The following RBM26 variants were observed in gnomAD, a reference collection of about 807,000 sequenced individuals.
RBM26 encodes RNA-binding protein 26.
Under a neutral mutation model 123.6 loss-of-function variants are expected in RBM26, and 30 were observed. The ratio of observed to expected loss-of-function variants is 0.24; its 90% CI spans 0.18 to 0.33. The LOEUF (loss-of-function observed/expected upper bound fraction) is 0.33, where lower values mean the gene tolerates loss of function less well. Among genes scored for constraint, RBM26 ranks in the 10% least tolerant of loss-of-function variants. The probability of loss-of-function intolerance (pLI) is 1.00; values close to 1 mark genes in which losing one functional copy is unlikely to be tolerated. For synonymous variants in RBM26, 400 were observed against 404.4 expected, an observed-to-expected ratio of 0.99 and a Z score of 0.13; for missense variants, 947 against 1,203.6, an observed-to-expected ratio of 0.79 and a Z score of 3.15.
intron 20 of RBM26, among the ~76,000 whole-genome samples, chr13:79,331,814 G>A (rs373478433): frequency 3.3e-5 from 5 of 152,102 alleles, no homozygotes; most frequent in African/African-American, 1.2e-4. Context: ...TGGAAGAGAC[G>A]ACTGCTTTAC....
intron 14 of RBM26, among the ~76,000 whole-genome samples, chr13:79,350,217 A>C (rs1474997098): frequency 6.6e-6 from 1 of 152,184 alleles, no homozygotes; most frequent in Non-Finnish European, 1.5e-5. Flanking sequence ...GCAGAGACCA[A>C]GATATATTTT....
chr13:79,380,552 T>C (rs1384277915), intron 1 of RBM26, among the ~76,000 whole-genome samples: 1 of 152,082 alleles, frequency 6.6e-6, no homozygotes, highest in Non-Finnish European at 1.5e-5. Flanking sequence ...ATGTGATATT[T>C]TGATACCTGT....
intron 20 of RBM26, among the ~76,000 whole-genome samples, chr13:79,333,473 GATAA>G (rs377482762): frequency 3.3e-5 from 5 of 152,296 alleles, no homozygotes; most frequent in African/African-American, 1.2e-4. Context: ...CTACAAAGAG[GATAA>G]ATAAATGTAG....
At chr13:79,369,070 T>A in intron 5 of RBM26, 80 bp from the exon 6 acceptor site, 1 of 922,242 alleles carries the variant, frequency 1.1e-6, no homozygotes, top group Non-Finnish European at 1.5e-6. Flanking sequence ...ATAGTGATAT[T>A]TTTATAAACA....
chr13:79,330,750 T>A (rs1490132472), intron 20 of RBM26, among the ~76,000 whole-genome samples: 5 of 152,174 alleles, frequency 3.3e-5, no homozygotes, highest in Non-Finnish European at 5.9e-5. Context: ...CACACATTTT[T>A]AAAAACATGC....
At chr13:79,328,964 C>T (rs2068870548) in intron 20 of RBM26, among the ~76,000 whole-genome samples, 1 of 151,708 alleles carries the variant, frequency 6.6e-6, no homozygotes, top group East Asian at 1.9e-4. Flanking sequence ...AGTAAAACCA[C>T]TATGTAGCGT....
intron 11 of RBM26, among the ~76,000 whole-genome samples, chr13:79,357,058 T>C (rs983931679): frequency 6.6e-6 from 1 of 152,120 alleles, no homozygotes; most frequent in South Asian, 2.1e-4. Context: ...TAAGTTTGTG[T>C]ACAGATAAAT....
intron 5 of RBM26, among the ~76,000 whole-genome samples, chr13:79,369,713 A>G (rs1460347149): frequency 3.9e-5 from 6 of 152,216 alleles, no homozygotes; most frequent in Admixed American, 3.9e-4. Flanking sequence ...ACTAGAAGAA[A>G]ATTATACATG....
intron 19 of RBM26, among the ~76,000 whole-genome samples, chr13:79,335,702 G>GA (rs1288044774): frequency 1.3e-5 from 2 of 152,060 alleles, no homozygotes; most frequent in Non-Finnish European, 2.9e-5. Context: ...TTTTCATTTA[G>GA]AGGCTCTGAA....
At chr13:79,354,091 T>C (rs1177116903) in intron 13 of RBM26, among the ~76,000 whole-genome samples, 1 of 152,028 alleles carries the variant, frequency 6.6e-6, no homozygotes, top group Non-Finnish European at 1.5e-5. Flanking sequence ...TCTAATTAAG[T>C]AAAAAGATGA....
intron 9 of RBM26, 68 bp downstream of exon 9, chr13:79,365,510 T>A (rs1357926381): frequency 1.6e-6 from 2 of 1,278,200 alleles, no homozygotes; most frequent in Non-Finnish European, 2.2e-6. Context: ...AGACCAACTG[T>A]TCTTTATAAA....
chr13:79,354,342 A>G (rs9574411), intron 13 of RBM26, 97 bp downstream of exon 13: 530,116 of 1,049,140 alleles, frequency 0.51, 136,707 homozygotes, highest in East Asian at 0.73. Context: ...TCATATTTCT[A>G]TGTAAAATAT....
At chr13:79,394,797 C>G (rs2078413267) in intron 1 of RBM26, among the ~76,000 whole-genome samples, 1 of 152,158 alleles carries the variant, frequency 6.6e-6, no homozygotes, top group Non-Finnish European at 1.5e-5. Context: ...CAACACCCGG[C>G]TAATTTTTGT....
intron 1 of RBM26, among the ~76,000 whole-genome samples, chr13:79,392,900 G>A (rs2078223302): frequency 6.6e-6 from 1 of 152,060 alleles, no homozygotes; most frequent in Non-Finnish European, 1.5e-5. Context: ...TGGAAAGTCA[G>A]GAAGAAAAAT....
intron 1 of RBM26, among the ~76,000 whole-genome samples, chr13:79,381,016 GTAAC>G (rs1411670454): frequency 2.6e-5 from 4 of 152,166 alleles, no homozygotes; most frequent in East Asian, 1.9e-4. Flanking sequence ...ACAAGTTAGA[GTAAC>G]TAACAATAAA....
At chr13:79,315,659 T>G (rs2067079263), downstream of RBM26, among the ~76,000 whole-genome samples, 1 of 151,766 alleles carries the variant, frequency 6.6e-6, no homozygotes, top group African/African-American at 2.4e-5. Flanking sequence ...ACGAAAAAAG[T>G]AGAATTTTAA....
chr13:79,378,181 C>T (rs999350023), intron 2 of RBM26, among the ~76,000 whole-genome samples: 2 of 152,078 alleles, frequency 1.3e-5, no homozygotes, highest in East Asian at 3.9e-4. Flanking sequence ...AAAAGCAATG[C>T]GCTAGGTAAG....
intron 1 of RBM26, among the ~76,000 whole-genome samples, chr13:79,402,547 G>A (rs2079141198): frequency 6.6e-6 from 1 of 150,822 alleles, no homozygotes; most frequent in Non-Finnish European, 1.5e-5. Flanking sequence ...ACTCAACAAA[G>A]TCCTGTGTGA....
intron 1 of RBM26, among the ~76,000 whole-genome samples, chr13:79,395,347 C>T (rs1038887043): frequency 2.0e-5 from 3 of 151,976 alleles, no homozygotes; most frequent in Non-Finnish European, 4.4e-5. Context: ...AGTGAATACA[C>T]AGAAACTATT....
Sources: allele counts gnomAD v4.1 joint callset (sites outside exome capture counted in the v4.1 genomes callset), GRCh38; gene constraint gnomAD v4.1.1; transcripts MANE v1.5; gene names NCBI Gene and HGNC (gene_info 2026-07-23, HGNC 2026-07-21).